Variants in FAM13A observed in about 807,000 individuals in gnomAD.
The protein encoded by FAM13A is family with sequence similarity 13 member A, also known as protein FAM13A.
In FAM13A, 76 loss-of-function variants were observed where a neutral mutation model predicts 129.6. That is an observed-to-expected ratio of 0.59 (90% confidence interval 0.49 to 0.71). The LOEUF (loss-of-function observed/expected upper bound fraction) is 0.71. Ranked by LOEUF, FAM13A falls within the 30% of genes least tolerant of loss-of-function variation. FAM13A has a pLI of 0.00. For synonymous variants in FAM13A, 443 were observed against 449.9 expected (o/e 0.98, Z 0.20); for missense variants, 1,108 against 1,249.3 (o/e 0.89, Z 1.70).
At chr4:88,986,158 G>A (rs560033881) in intron 4 of FAM13A, among the ~76,000 whole-genome samples, 25 of 140,868 alleles carry the variant, frequency 1.8e-4, no homozygotes, top group African/African-American at 6.6e-4. Context: ...TTTTGAGATT[G>A]AGTCTCACCC....
rs140459557 is a variant in FAM13A, at chr4:88,912,337, C to T, written c.760-5875G>A. Among the ~76,000 whole-genome samples the T allele has an allele frequency of 4.4e-4, 66 of 151,510 alleles. No individual in the cohort carries two copies. The East Asian group carries it at 0.012, about 28-fold the overall frequency. On this transcript the variant is annotated intron_variant, in intron 5 of 23. Transcript: ENST00000264344. The stretch of plus-strand genomic sequence containing the variant: ...TGATGTCTCTCCTAGAGCTGGGGCA[C>T]CCATCTTCCCCTGCTCTTGGACATT...
At chr4:89,044,961 T>G (rs1476744518) in intron 1 of FAM13A, among the ~76,000 whole-genome samples, 1 of 152,074 alleles carries the variant, frequency 6.6e-6, no homozygotes, top group Non-Finnish European at 1.5e-5. Flanking sequence ...TTATAAAGTT[T>G]ATGTTGGAGG....
chr4:88,986,975 T>C (rs532198081), intron 4 of FAM13A, among the ~76,000 whole-genome samples: 11 of 152,322 alleles, frequency 7.2e-5, no homozygotes, highest in African/African-American at 2.6e-4. Flanking sequence ...TCTTGGCTTC[T>C]AAATGTAATT....
intron 3 of FAM13A, among the ~76,000 whole-genome samples, chr4:88,993,011 G>C (rs1033053848): frequency 6.6e-6 from 1 of 152,180 alleles, no homozygotes; most frequent in Non-Finnish European, 1.5e-5. Context: ...GCTACTGACA[G>C]GAAGTGAAAA....
chr4:88,906,354 C>T (rs757124433), intron 6 of FAM13A, 25 bp downstream of exon 6: 11 of 1,415,468 alleles, frequency 7.8e-6, no homozygotes, highest in African/African-American at 5.7e-5. Context: ...TTCACATGGT[C>T]GCCTACAGAG....
At chr4:88,988,450 T>C (rs902528855) in intron 4 of FAM13A, among the ~76,000 whole-genome samples, 9 of 152,248 alleles carry the variant, frequency 5.9e-5, no homozygotes, top group African/African-American at 2.2e-4. Flanking sequence ...ATTCCTCATT[T>C]TTAAGGATGC....
chr4:88,905,244 T>C (rs1747960086), intron 6 of FAM13A, among the ~76,000 whole-genome samples: 1 of 152,132 alleles, frequency 6.6e-6, no homozygotes, highest in Non-Finnish European at 1.5e-5. Context: ...CAATTCTTTC[T>C]GCCTCAGCCT....
chr4:88,739,622 A>G (rs1739765484), intron 19 of FAM13A, among the ~76,000 whole-genome samples: 1 of 50,742 alleles, frequency 2.0e-5, no homozygotes, highest in Non-Finnish European at 3.4e-5. Context: ...TAAAAAATAC[A>G]AAAAAAAAAA....
At chr4:88,856,379 G>C (rs1254417177) in intron 6 of FAM13A, among the ~76,000 whole-genome samples, 1 of 152,062 alleles carries the variant, frequency 6.6e-6, no homozygotes, top group East Asian at 1.9e-4. Context: ...AACTACTTGG[G>C]AAGCTGAGGT....
chr4:88,945,994 A>ATG (rs1386008438), intron 4 of FAM13A, among the ~76,000 whole-genome samples: 1 of 63,478 alleles, frequency 1.6e-5, no homozygotes. Flanking sequence ...GTGTGTGTAT[A>ATG]TATATATATA....
intron 7 of FAM13A, among the ~76,000 whole-genome samples, chr4:88,819,756 T>C (rs1731518760): frequency 6.6e-6 from 1 of 152,224 alleles, no homozygotes; most frequent in Admixed American, 6.5e-5. Flanking sequence ...AGAATATCCA[T>C]ATAAGTTGAT....
chr4:88,731,772 TAGAG>T, intron 22 of FAM13A: 1 of 529,688 alleles, frequency 1.9e-6, no homozygotes, highest in South Asian at 3.0e-5. Context: ...CGATGCCCTT[TAGAG>T]AGAGAACTTC....
intron 3 of FAM13A, among the ~76,000 whole-genome samples, chr4:89,008,023 A>G (rs1309946824): frequency 6.6e-6 from 1 of 151,714 alleles, no homozygotes; most frequent in African/African-American, 2.4e-5. Flanking sequence ...ATTTATTTTA[A>G]ACTTTTTCCT....
chr4:88,747,551 G>C (rs747571932), intron 18 of FAM13A, 80 bp downstream of exon 18: 81 of 1,141,046 alleles, frequency 7.1e-5, no homozygotes, highest in Non-Finnish European at 9.8e-5. Flanking sequence ...CTTCCCACTG[G>C]GATTCACGTG....
At chr4:88,957,077 G>C (rs142042252) in intron 4 of FAM13A, among the ~76,000 whole-genome samples, 1 of 152,172 alleles carries the variant, frequency 6.6e-6, no homozygotes, top group South Asian at 2.1e-4. Context: ...TGTAATCCCA[G>C]AACTTTGAAA....
chr4:88,919,950 C>T (rs1220112383), intron 5 of FAM13A, among the ~76,000 whole-genome samples: 4 of 152,224 alleles, frequency 2.6e-5, no homozygotes, highest in Non-Finnish European at 5.9e-5. Context: ...TGATTGCTAG[C>T]GCAGCAGTCT....
At chr4:88,976,787 G>A (rs970800852) in intron 4 of FAM13A, among the ~76,000 whole-genome samples, 6 of 119,540 alleles carry the variant, frequency 5.0e-5, no homozygotes, top group African/African-American at 1.9e-4. Flanking sequence ...CTACACAGGT[G>A]TACAATTTTT....
intron 7 of FAM13A, among the ~76,000 whole-genome samples, chr4:88,835,558 A>G (rs1734672863): frequency 6.6e-6 from 1 of 152,158 alleles, no homozygotes; most frequent in Non-Finnish European, 1.5e-5. Context: ...ATAGTGAAAT[A>G]ATTATACAAT....
At chr4:88,737,751 A>AC in intron 20 of FAM13A, 196 bp from the exon 21 acceptor site, 1 of 594,326 alleles carries the variant, frequency 1.7e-6, no homozygotes, top group East Asian at 3.0e-5. Flanking sequence ...CAGCGCCCAC[A>AC]CACATAAATC....
Sources: allele counts gnomAD v4.1 joint callset (sites outside exome capture counted in the v4.1 genomes callset), GRCh38; gene constraint gnomAD v4.1.1; transcripts MANE v1.5; gene names NCBI Gene and HGNC (gene_info 2026-07-23, HGNC 2026-07-21).